Variants in SLC8A3 observed in about 807,000 individuals in gnomAD.
SLC8A3 encodes the protein solute carrier family 8 member A3, also known as sodium/calcium exchanger 3.
SLC8A3 carries 37 observed loss-of-function variants against 65.4 expected under a neutral mutation model. The ratio of observed to expected loss-of-function variants is 0.57; its 90% CI spans 0.44 to 0.74. The LOEUF is 0.74. Ranked by LOEUF, SLC8A3 falls within the 30% of genes least tolerant of loss-of-function variation. The pLI, the probability that SLC8A3 is intolerant of heterozygous loss-of-function variation, is 0.00. For missense variants in SLC8A3, 1,112 were observed against 1,172.1 expected (o/e 0.95, Z 0.75); for synonymous variants, 461 against 444.5 (o/e 1.04, Z -0.47).
intron 2 of SLC8A3, among the ~76,000 whole-genome samples, chr14:70,076,953 C>T (rs563755571): frequency 7.2e-5 from 11 of 152,130 alleles, no homozygotes; most frequent in Non-Finnish European, 1.5e-4. Context: ...CTCTATGAGC[C>T]TCAGTTTCCT....
chr14:70,129,378 T>C (rs775003145), intron 2 of SLC8A3, among the ~76,000 whole-genome samples: 2 of 152,230 alleles, frequency 1.3e-5, no homozygotes, highest in African/African-American at 2.4e-5. Context: ...TGGTAGTAGC[T>C]ACTATTCCTG....
At chr14:70,084,723 T>C (rs2140021799) in intron 2 of SLC8A3, among the ~76,000 whole-genome samples, 2 of 152,296 alleles carry the variant, frequency 1.3e-5, no homozygotes, top group Admixed American at 1.3e-4. Flanking sequence ...AAATATCCAT[T>C]GAGAAAGAGG....
At chr14:70,174,662 G>GTTTGTTTTTTTTTTTT (rs1566833477) in intron 1 of SLC8A3, among the ~76,000 whole-genome samples, 12 of 66,516 alleles carry the variant, frequency 1.8e-4, no homozygotes, top group East Asian at 4.0e-4. Flanking sequence ...TTTTTTTTTT[G>GTTTGTTTTTTTTTTTT]TTTTTTTTTT....
intron 2 of SLC8A3, among the ~76,000 whole-genome samples, chr14:70,096,063 G>A (rs563396779): frequency 8.2e-4 from 125 of 152,126 alleles, no homozygotes; most frequent in South Asian, 2.9e-3. Context: ...TGTATTTTTA[G>A]TAAAGATGGG....
chr14:70,187,326 GC>G, intron 1 of SLC8A3: 3 of 156,316 alleles, frequency 1.9e-5, no homozygotes, highest in African/African-American at 5.1e-5. Context: ...GAAGCGGGGG[GC>G]GGGGGGAGAG....
chr14:70,184,966 C>CTTTTTTTTTTTTTT (rs11337843), intron 1 of SLC8A3, among the ~76,000 whole-genome samples: 3 of 108,646 alleles, frequency 2.8e-5, no homozygotes, highest in African/African-American at 6.9e-5. Flanking sequence ...TTTTTCTTTT[C>CTTTTTTTTTTTTTT]TTTTTTTTTT....
intron 2 of SLC8A3, among the ~76,000 whole-genome samples, chr14:70,109,027 G>A (rs192980867): frequency 6.6e-6 from 1 of 152,168 alleles, no homozygotes; most frequent in East Asian, 1.9e-4. Flanking sequence ...ATTGATGTCT[G>A]TCTCAGCACT....
chr14:70,175,751 T>C (rs1476405645), intron 1 of SLC8A3, among the ~76,000 whole-genome samples: 1 of 151,232 alleles, frequency 6.6e-6, no homozygotes, highest in Non-Finnish European at 1.5e-5. Context: ...TTTTTTTTTT[T>C]TGAGAGGCAG....
At chr14:70,066,746 G>T (rs558226661) in intron 2 of SLC8A3, among the ~76,000 whole-genome samples, 1 of 152,320 alleles carries the variant, frequency 6.6e-6, no homozygotes, top group Admixed American at 6.5e-5. Flanking sequence ...AAGAGGCGGA[G>T]GTTGCAGTGA....
intron 5 of SLC8A3, 124 bp from the exon 6 acceptor site, chr14:70,049,166 G>C (rs1887166682): frequency 1.0e-6 from 1 of 975,598 alleles, no homozygotes; most frequent in South Asian, 1.7e-5. Flanking sequence ...TGTCTTCTGG[G>C]CAGCTGGTGG....
rs1205429613 is a variant in SLC8A3, at chr14:70,070,164, T to G, written c.1785-9225A>C. ...ATCCAGAGTAGGGTGACTAGGATGA[T>G]GAGAGATCTAGAAACCACATTTCAA... On this transcript the variant is annotated intron_variant, in intron 2 of 6. Transcript: ENST00000356921. Among the ~76,000 whole-genome samples, 3 of 152,320 alleles carry G rather than the reference T, an allele frequency of 2.0e-5. No homozygotes were observed. In the East Asian group the frequency reaches 5.8e-4, roughly 29 times the overall value.
At chr14:70,182,627 C>T (rs1182308081) in intron 1 of SLC8A3, among the ~76,000 whole-genome samples, 2 of 151,820 alleles carry the variant, frequency 1.3e-5, no homozygotes, top group Non-Finnish European at 2.9e-5. Flanking sequence ...AATGAGCAGT[C>T]CTTGTTGGAT....
rs1887582112 is a variant in SLC8A3 at position 70,052,103 on chromosome 14, T to C, written c.1900A>G (p.Arg634Gly). 4 of 1,600,564 alleles carry C rather than the reference T, an allele frequency of 2.5e-6. No homozygotes were observed. The highest frequency in any genetic ancestry group is 1.7e-4 in the Middle Eastern group (1 of 5,978). ...MERGISDVTD[R>G]KLTMEEEEAK... ...TCCTCTTCTTCCATAGTCAGCTTCCTGTCTGTCACATCTGCAACAAAACAA... is the reference window on the plus strand; with the variant it reads ...TCCTCTTCTTCCATAGTCAGCTTCCCGTCTGTCACATCTGCAACAAAACAA... Residue 634 changes from arginine to glycine, a missense_variant, in exon 4 of 7, where the codon AGG becomes GGG. Arg to Gly is a moderately radical substitution (Grantham distance 125). Transcript: ENST00000356921.
At chr14:70,178,025 T>C (rs879192) in intron 1 of SLC8A3, among the ~76,000 whole-genome samples, 99,959 of 151,962 alleles carry the variant, frequency 0.66, 33,517 homozygotes, top group South Asian at 0.72. Context: ...TCCATGTAAG[T>C]TGGAGACCAA....
At chr14:70,077,802 G>C (rs1384878150) in intron 2 of SLC8A3, among the ~76,000 whole-genome samples, 1 of 152,236 alleles carries the variant, frequency 6.6e-6, no homozygotes, top group Non-Finnish European at 1.5e-5. Flanking sequence ...CCTGAGTGCT[G>C]TTCCTTTACT....
chr14:70,109,662 C>T (rs966862076), intron 2 of SLC8A3, among the ~76,000 whole-genome samples: 1 of 151,976 alleles, frequency 6.6e-6, no homozygotes, highest in African/African-American at 2.4e-5. Flanking sequence ...CCATATTGGC[C>T]AAGCTGGTCT....
rs533295821 is a variant in SLC8A3 at position 70,082,532 on chromosome 14, T to G, written c.1785-21593A>C. Among the ~76,000 whole-genome samples the G allele has an allele frequency of 3.3e-5, 5 of 152,352 alleles. No homozygotes were observed. The South Asian group carries it at 1.0e-3, about 32-fold the overall frequency. ...CATACAAGGCAGAGCTGAGATCCCATTTCCTGAAGAAACTGTCCCCATGAC... is the reference window on the plus strand; with the variant it reads ...CATACAAGGCAGAGCTGAGATCCCAGTTCCTGAAGAAACTGTCCCCATGAC... On this transcript the variant is annotated intron_variant, in intron 2 of 6. Transcript: ENST00000356921.
chr14:70,108,010 GAGTTGCTTTCA>G (rs1892995017), intron 2 of SLC8A3, among the ~76,000 whole-genome samples: 1 of 151,596 alleles, frequency 6.6e-6, no homozygotes, highest in South Asian at 2.1e-4. Context: ...TTTCCTATAA[GAGTTGCTTTCA>G]ACTCCCTCAT....
At chr14:70,095,840 G>A (rs1466666415) in intron 2 of SLC8A3, among the ~76,000 whole-genome samples, 1 of 151,056 alleles carries the variant, frequency 6.6e-6, no homozygotes, top group Non-Finnish European at 1.5e-5. Context: ...ACCTGTTAAG[G>A]CCTGTTTGCC....
Sources: gnomAD v4.1 joint callset for allele counts (sites outside exome capture counted in the v4.1 genomes callset) on GRCh38, gnomAD v4.1.1 for gene constraint, MANE v1.5 for transcripts, NCBI Gene and HGNC (gene_info 2026-07-23, HGNC 2026-07-21) for gene names.